The following EVL variants were observed in gnomAD, a reference collection of about 807,000 sequenced individuals.
The protein encoded by EVL is Enah/Vasp-like, also known as ena/VASP-like protein.
EVL carries 21 observed loss-of-function variants against 59.6 expected under a neutral mutation model. The ratio of observed to expected loss-of-function variants is 0.35; its 90% CI spans 0.25 to 0.51. The LOEUF (loss-of-function observed/expected upper bound fraction) is 0.51. Among genes scored for constraint, EVL ranks in the 20% least tolerant of loss-of-function variants. EVL has a pLI of 0.97. For synonymous variants in EVL, 198 were observed against 203.5 expected (o/e 0.97, Z 0.23); for missense variants, 462 against 546.6 (o/e 0.85, Z 1.54).
Position 100,043,881 on chromosome 14 carries a change from T to C in EVL, c.6-40806T>C, listed in dbSNP as rs534348547. Among the ~76,000 whole-genome samples the C allele has an allele frequency of 7.2e-5, 11 of 152,236 alleles. No homozygotes were observed. The South Asian group carries it at 2.1e-3, about 29-fold the overall frequency. ...TTCCCACCTCAGCTTCCCAAAGTGT[T>C]TCTTCCCTTTTGTTGTATCTGGGCC... On this transcript the variant is annotated intron_variant, in intron 1 of 13. Transcript: ENST00000402714.
At chr14:100,135,657 T>A (rs936699530) in intron 8 of EVL, 44 of 456,718 alleles carry the variant, frequency 9.6e-5, no homozygotes, top group South Asian at 1.5e-4. Context: ...GGAAGTTCTA[T>A]ATCACCCTGC....
At chr14:100,063,399 C>A (rs771924689), upstream of EVL, among the ~76,000 whole-genome samples, 12 of 152,206 alleles carry the variant, frequency 7.9e-5, no homozygotes, top group Non-Finnish European at 1.3e-4. Context: ...TGTGGAACTT[C>A]TGATGATGTT....
chr14:99,985,458 C>G (rs1374626816), intron 1 of EVL, among the ~76,000 whole-genome samples: 1 of 151,944 alleles, frequency 6.6e-6, no homozygotes, highest in African/African-American at 2.4e-5. Context: ...TAAGTCTTGC[C>G]TTTTCTTGGT....
At chr14:100,139,522 C>G (rs972331222) in intron 11 of EVL, 4 of 152,266 alleles carry the variant, frequency 2.6e-5, no homozygotes, top group African/African-American at 9.6e-5. Flanking sequence ...ACAGGAGAGG[C>G]CTGAAGGACC....
At chr14:100,085,216 G>T (rs2062413821) in intron 2 of EVL, 1 of 167,740 alleles carries the variant, frequency 6.0e-6, no homozygotes, top group Admixed American at 6.1e-5. Context: ...AAGATTTGGG[G>T]TTCATCAACC....
intron 13 of EVL, among the ~76,000 whole-genome samples, chr14:100,142,993 C>T (rs367765047): frequency 1.9e-4 from 29 of 152,356 alleles, no homozygotes; most frequent in African/African-American, 5.8e-4. Context: ...CCCCCAGCCC[C>T]CACAACCTTC....
intron 1 of EVL, among the ~76,000 whole-genome samples, chr14:100,041,578 T>C (rs969346811): frequency 3.3e-5 from 5 of 152,210 alleles, no homozygotes; most frequent in Admixed American, 3.3e-4. Flanking sequence ...GTAATAAATG[T>C]GAAGACCCCA....
intron 1 of EVL, chr14:100,019,784 C>CA (rs1044595845): frequency 2.5e-4 from 302 of 1,200,454 alleles, no homozygotes; most frequent in Middle Eastern, 1.3e-3. Flanking sequence ...CTGGTTCTCA[C>CA]AAAAAAAACA....
chr14:100,100,360 A>G (rs966218009), intron 3 of EVL, among the ~76,000 whole-genome samples: 2 of 152,140 alleles, frequency 1.3e-5, no homozygotes, highest in East Asian at 1.9e-4. Context: ...CCTCCTTTGC[A>G]TGGACTGCAG....
At position 100,143,917 on chromosome 14, in the gene EVL, G is replaced by A; in HGVS notation, c.*179G>A. On this transcript the variant is annotated 3_prime_UTR_variant, in exon 14 of 14. Coordinates refer to ENST00000392920, the MANE Select transcript of EVL (RefSeq NM_016337.3). ...TGAGGAAACCAAGTGCAACTCCTGGGTTTTTTTAGATTCTGCCTGACACGG... is the reference window on the plus strand; with the variant it reads ...TGAGGAAACCAAGTGCAACTCCTGGATTTTTTTAGATTCTGCCTGACACGG... 4 of 657,282 alleles carry A rather than the reference G, an allele frequency of 6.1e-6. No homozygotes were observed. The South Asian group carries it at 8.5e-5, about 14-fold the overall frequency. 40.7% of individuals were successfully genotyped at this position (657,282 alleles called of 1,614,324 possible). A position where few individuals can be genotyped will look rare whatever the true frequency, so the allele number is the denominator to read the frequency against.
At chr14:100,102,272 T>A in intron 3 of EVL, 1 of 456,058 alleles carries the variant, frequency 2.2e-6, no homozygotes, top group Non-Finnish European at 4.4e-6. Context: ...CTTGCACCTT[T>A]TGCTATATCT....
rs933268775 is a variant in EVL at position 100,092,407 on chromosome 14, T to C, written c.181-5074T>C. On this transcript the variant is annotated intron_variant, in intron 2 of 13. Transcript: ENST00000392920. Reference sequence around the variant, plus strand: ...GTCCATCAGCAGGAGAATGGAGAAGTTGTGGTTAAAAAAATGGAATACTAT... The same window carrying C: ...GTCCATCAGCAGGAGAATGGAGAAGCTGTGGTTAAAAAAATGGAATACTAT... Among the ~76,000 whole-genome samples the C allele has an allele frequency of 6.6e-5, 10 of 151,810 alleles. 1 individual carries two copies. The highest frequency in any genetic ancestry group is 6.6e-4 in the Admixed American group (10 of 15,246).
intron 1 of EVL, among the ~76,000 whole-genome samples, chr14:100,068,465 A>G (rs1317219811): frequency 6.6e-6 from 1 of 152,224 alleles, no homozygotes; most frequent in East Asian, 1.9e-4. Flanking sequence ...AAGACATCTC[A>G]TAGAAGCTTA....
intron 4 of EVL, among the ~76,000 whole-genome samples, chr14:100,125,255 C>T (rs1887995205): frequency 4.0e-5 from 1 of 25,052 alleles, no homozygotes; most frequent in Non-Finnish European, 9.4e-5. Context: ...GGCAGGAATA[C>T]ACACACACAC....
intron 1 of EVL, among the ~76,000 whole-genome samples, chr14:99,995,845 A>AT (rs2060909579): frequency 6.6e-6 from 1 of 151,940 alleles, no homozygotes; most frequent in South Asian, 2.1e-4. Context: ...AGGTTTACCT[A>AT]TTTGTACTCA....
At chr14:100,045,038 A>T (rs1262652967) in intron 1 of EVL, among the ~76,000 whole-genome samples, 1 of 152,216 alleles carries the variant, frequency 6.6e-6, no homozygotes, top group African/African-American at 2.4e-5. Flanking sequence ...AGTTACAGCT[A>T]GTGTGTTGTT....
At chr14:99,988,432 C>T (rs1043477281) in intron 1 of EVL, among the ~76,000 whole-genome samples, 33 of 152,160 alleles carry the variant, frequency 2.2e-4, no homozygotes, top group African/African-American at 8.0e-4. Flanking sequence ...ATAACCCTTA[C>T]ACATTGGGAA....
At chr14:99,995,503 C>G (rs1399005279) in intron 1 of EVL, among the ~76,000 whole-genome samples, 2 of 151,904 alleles carry the variant, frequency 1.3e-5, no homozygotes, top group Non-Finnish European at 2.9e-5. Flanking sequence ...TTCCTGATTT[C>G]TTTAGTTTTC....
At chr14:100,074,226 G>C (rs1209675319) in intron 1 of EVL, among the ~76,000 whole-genome samples, 1 of 152,184 alleles carries the variant, frequency 6.6e-6, no homozygotes, top group African/African-American at 2.4e-5. Flanking sequence ...TGAGGAACCT[G>C]CCACCTTGTT....
Sources: allele counts gnomAD v4.1 joint callset (sites outside exome capture counted in the v4.1 genomes callset), GRCh38; gene constraint gnomAD v4.1.1; transcripts MANE v1.5; gene names NCBI Gene and HGNC (gene_info 2026-07-23, HGNC 2026-07-21).